The following TBC1D16 variants were observed in gnomAD, a reference collection of about 807,000 sequenced individuals.
The protein encoded by TBC1D16 is CTD-2529O21.1.
A neutral mutation model predicts 74.7 loss-of-function variants in TBC1D16; 58 were observed. That is an observed-to-expected ratio of 0.78 (90% CI 0.63 to 0.97). TBC1D16 has a LOEUF of 0.97. Ranked by LOEUF, TBC1D16 falls within the 50% of genes least tolerant of loss-of-function variation. The pLI, the probability that TBC1D16 is intolerant of heterozygous loss-of-function variation, is 0.00. For synonymous variants in TBC1D16, 493 were observed against 474.7 expected, an observed-to-expected ratio of 1.04 and a Z score of -0.50; for missense variants, 1,014 against 1,079.5, an observed-to-expected ratio of 0.94 and a Z score of 0.85.
chr17:79,947,513 A>C (rs2143595175), intron 9 of TBC1D16, 132 bp downstream of exon 9: 1 of 998,332 alleles, frequency 1.0e-6, no homozygotes, highest in East Asian at 2.5e-5. Context: ...GGCAAGTCCT[A>C]TCCTGGCGTT....
In TBC1D16 at chr17:79,933,631, AAG is replaced by A. The variant is rs1338048801; in HGVS notation, c.*7226_*7227del. ...ACGTGCTCGCCTGAGTCTCTGGAGTAAGAGTCACGCCTTGGAGAAGGAGGGCA... is the reference window on the plus strand; with the variant it reads ...ACGTGCTCGCCTGAGTCTCTGGAGTAAGTCACGCCTTGGAGAAGGAGGGCA... On this transcript the variant is annotated 3_prime_UTR_variant, in exon 12 of 12. Coordinates refer to ENST00000310924, the MANE Select transcript of TBC1D16 (RefSeq NM_019020.4). 1 of 152,316 alleles carries A rather than the reference AAG, an allele frequency of 6.6e-6. No individual in the cohort carries two copies. The highest frequency in any genetic ancestry group is 1.5e-5 in the Non-Finnish European group (1 of 68,114). The allele number at this position is 152,316 out of a possible 1,614,324, so 9.4% of individuals were successfully genotyped here.
intron 3 of TBC1D16, among the ~76,000 whole-genome samples, chr17:79,963,160 T>C (rs1449105628): frequency 6.7e-6 from 1 of 150,158 alleles, no homozygotes; most frequent in South Asian, 2.1e-4. Flanking sequence ...GAGGTTGCTG[T>C]CAGCCGAGAT....
Position 79,980,062 on chromosome 17 carries a change from T to C in TBC1D16, c.780-27244A>G, listed in dbSNP as rs1182980142. Among the ~76,000 whole-genome samples the C allele has an allele frequency of 6.6e-6, 1 of 152,152 alleles. No individual in the cohort carries two copies. The highest frequency in any genetic ancestry group is 1.5e-5 in the Non-Finnish European group (1 of 68,020). ...TTGCACCTGGAGGAGCAGCTCACCG[T>C]GCCGTGGAGGGTGGCCGCGAGGTTC... On this transcript the variant is annotated intron_variant, in intron 3 of 11. Coordinates refer to ENST00000310924, the MANE Select transcript of TBC1D16 (RefSeq NM_019020.4). This position sits in a 1 kb window ranked among gnomAD's most constrained non-coding sequence, Gnocchi z 7.0.
At position 80,035,138 on chromosome 17, in the gene TBC1D16, A is replaced by T. The variant is rs940570846; in HGVS notation, c.-63+657T>A. On this transcript the variant is annotated intron_variant, in intron 1 of 11. Transcript: ENST00000310924. The surrounding 1 kb of genome is among the most constrained non-coding windows in gnomAD (Gnocchi z 5.3). ...AGTGTGGGAATCACAGGATTTCAGGATTCAGCGGCTTCCGGCAGGATCCCC... is the reference window on the plus strand; with the variant it reads ...AGTGTGGGAATCACAGGATTTCAGGTTTCAGCGGCTTCCGGCAGGATCCCC... Among the ~76,000 whole-genome samples the T allele has an allele frequency of 6.6e-6, 1 of 152,204 alleles. No homozygotes were observed. Among genetic ancestry groups the T allele is most frequent in the Non-Finnish European group, 1.5e-5 (1 of 68,042 alleles).
At chr17:80,011,723 G>C (rs1418806979) in intron 2 of TBC1D16, among the ~76,000 whole-genome samples, 2 of 152,088 alleles carry the variant, frequency 1.3e-5, no homozygotes. Flanking sequence ...CTACTTGGGA[G>C]GCTGAGGCAG....
rs370476450 is a variant in TBC1D16, at chr17:79,952,700, G to A, written c.898C>T (p.Arg300Cys). 27 of 1,610,234 alleles carry A rather than the reference G, an allele frequency of 1.7e-5. No homozygotes were observed. The highest frequency in any genetic ancestry group is 2.2e-5 in the Non-Finnish European group (26 of 1,177,700). ...CALEQICGVF[R>C]VDLGHMRSLR... is the part of the protein sequence containing the mutation. Reference sequence around the variant, plus strand: ...GAGCGCATGTGGCCCAGGTCCACGCGGAACACGCCGCAAATCTGCTCCAGG... The same window carrying A: ...GAGCGCATGTGGCCCAGGTCCACGCAGAACACGCCGCAAATCTGCTCCAGG... Residue 300 changes from arginine to cysteine, a missense_variant, in exon 4 of 12, where the codon CGC becomes TGC. Transcript: ENST00000310924.
In TBC1D16 at chr17:80,012,703, G is replaced by A. The variant is rs568559538; in HGVS notation, c.181+664C>T. 1.3e-4 allele frequency among the ~76,000 whole-genome samples: 20 copies of A among 152,020 alleles called. 1 individual carries two copies. The East Asian group carries it at 1.7e-3, about 13-fold the overall frequency. On this transcript the variant is annotated intron_variant, in intron 2 of 11. Coordinates refer to ENST00000310924, the MANE Select transcript of TBC1D16 (RefSeq NM_019020.4). Reference sequence around the variant, plus strand: ...TGGGATTATAGGTGTGAACCACCTCGCCCAGATGACAACTTTACTATTTTG... The same window carrying A: ...TGGGATTATAGGTGTGAACCACCTCACCCAGATGACAACTTTACTATTTTG...
At chr17:79,978,954 G>A (rs913677816) in intron 3 of TBC1D16, among the ~76,000 whole-genome samples, 14 of 152,168 alleles carry the variant, frequency 9.2e-5, no homozygotes, top group African/African-American at 3.4e-4. Flanking sequence ...ATTCCCTCTC[G>A]ACTTCGTCCT....
chr17:79,974,699 T>C (rs2034256371), intron 3 of TBC1D16, among the ~76,000 whole-genome samples: 1 of 152,174 alleles, frequency 6.6e-6, no homozygotes, highest in Non-Finnish European at 1.5e-5. Context: ...CACATTCCCT[T>C]ATCTTCCCTG....
intron 3 of TBC1D16, among the ~76,000 whole-genome samples, chr17:79,960,687 C>T (rs1348663744): frequency 6.9e-6 from 1 of 144,572 alleles, no homozygotes; most frequent in African/African-American, 2.6e-5. Context: ...ACCCTGGAGG[C>T]GAGGTTGCAG....
intron 1 of TBC1D16, among the ~76,000 whole-genome samples, chr17:80,034,247 G>C (rs144486483): frequency 7.2e-6 from 1 of 138,234 alleles, no homozygotes; most frequent in African/African-American, 2.7e-5. Flanking sequence ...TATCACCCGG[G>C]CTGGGGTGCA....
chr17:80,010,088 A>G lies in TBC1D16; in HGVS notation c.779+72T>C. On this transcript the variant is annotated intron_variant, in intron 3 of 11. Coordinates refer to ENST00000310924, the MANE Select transcript of TBC1D16 (RefSeq NM_019020.4). The surrounding 1 kb of genome is among the most constrained non-coding windows in gnomAD (Gnocchi z 8.8). The stretch of plus-strand genomic sequence containing the variant: ...GCTCACCTGGCATCACAGGTGACGC[A>G]GGTGAGTGCTTCCTGCCCAGGTCAG... The G allele has an allele frequency of 7.9e-7, 1 of 1,272,074 alleles. No homozygotes were observed. Among genetic ancestry groups the G allele is most frequent in the Non-Finnish European group, 1.1e-6 (1 of 923,350 alleles). 78.8% of individuals were successfully genotyped at this position (1,272,074 alleles called of 1,614,324 possible).
At position 79,942,189 on chromosome 17, in the gene TBC1D16, A is replaced by G; in HGVS notation, c.1926T>C (p.Leu642=). The change falls in exon 11 of 12, where the codon CTT becomes CTC. Residue 642 remains leucine, a synonymous_variant. Transcript: ENST00000310924. ...WAHYQTDYFH[L]FICVAIVAIY... ...TGGCCACGATGGCCACGCAGATGAA[A>G]AGGTGGAAGTAGTCCGTCTGTGGAG... The G allele has an allele frequency of 1.2e-6, 2 of 1,604,422 alleles. No homozygotes were observed. Among genetic ancestry groups the G allele is most frequent in the South Asian group, 2.2e-5 (2 of 89,368 alleles).
intron 1 of TBC1D16, among the ~76,000 whole-genome samples, chr17:80,021,662 TACCATAGGCACAC>T (rs375091812): frequency 1.4e-5 from 2 of 148,042 alleles, no homozygotes; most frequent in Non-Finnish European, 3.0e-5. Flanking sequence ...ACGCACCACA[TACCATAGGCACAC>T]ACCATAGGCA....
Position 80,013,366 on chromosome 17 carries a change from C to T in TBC1D16, c.181+1G>A, listed in dbSNP as rs1219336595. The T allele has an allele frequency of 2.5e-6, 4 of 1,601,498 alleles. No homozygotes were observed. The highest frequency in any genetic ancestry group is 3.4e-6 in the Non-Finnish European group (4 of 1,174,632). ...CTGGAGCCTCGCCTGCCCTGGCTCA[C>T]CTGGGTGGTGCTCCCCCAGCCCCTG... On this transcript the variant is annotated splice_donor_variant, in intron 2 of 11. Transcript: ENST00000310924. LOFTEE classifies it high-confidence loss of function.
chr17:79,963,229 CA>C (rs936438516), intron 3 of TBC1D16, among the ~76,000 whole-genome samples: 3 of 144,406 alleles, frequency 2.1e-5, no homozygotes, highest in Non-Finnish European at 4.6e-5. Flanking sequence ...AAAAAAAAAG[CA>C]AAAAAAAAAG....
intron 1 of TBC1D16, among the ~76,000 whole-genome samples, chr17:80,023,649 G>A (rs11652732): frequency 0.29 from 40,753 of 140,858 alleles, 7,040 homozygotes; most frequent in East Asian, 0.48. Flanking sequence ...AGCGAGAACT[G>A]CTGCCGGGCC....
At chr17:79,957,496 A>G (rs2033389456) in intron 3 of TBC1D16, among the ~76,000 whole-genome samples, 1 of 152,186 alleles carries the variant, frequency 6.6e-6, no homozygotes. Context: ...ACTCTGGAAA[A>G]GGCAAAACCA....
chr17:79,991,582 T>C (rs1326576615), intron 3 of TBC1D16, among the ~76,000 whole-genome samples: 1 of 151,682 alleles, frequency 6.6e-6, no homozygotes, highest in Non-Finnish European at 1.5e-5. Context: ...CACTTGCGAG[T>C]TAATATCCAC....
Sources: gnomAD v4.1 joint callset for allele counts (sites outside exome capture counted in the v4.1 genomes callset) on GRCh38, gnomAD v4.1.1 for gene constraint, Gnocchi (gnomAD v3.1) non-coding constraint, MANE v1.5 for transcripts, NCBI Gene and HGNC (gene_info 2026-07-23, HGNC 2026-07-21) for gene names.